ACTR1A: variants seen among roughly 807,000 people sequenced by gnomAD.
ACTR1A encodes actin related protein 1A, also known as alpha-centractin.
A neutral mutation model predicts 50.7 loss-of-function variants in ACTR1A; 10 were observed. The observed-to-expected ratio is 0.20, with a 90% CI of 0.12 to 0.33. The LOEUF (loss-of-function observed/expected upper bound fraction) is 0.33. ACTR1A is among the 10% of genes least tolerant of loss of function. ACTR1A has a pLI of 1.00. For missense variants in ACTR1A, 253 were observed against 491.7 expected (o/e 0.51, Z 4.59); for synonymous variants, 177 against 184.2 (o/e 0.96, Z 0.32).
In ACTR1A at chr10:102,488,112, C is replaced by T. The variant is rs777553141; in HGVS notation, c.315+38G>A. 4 of 1,582,324 alleles carry T rather than the reference C, an allele frequency of 2.5e-6. No homozygotes were observed. The East Asian group carries it at 6.8e-5, about 27-fold the overall frequency. On this transcript the variant is annotated intron_variant, in intron 4 of 10. Coordinates refer to ENST00000369905, the MANE Select transcript of ACTR1A (RefSeq NM_005736.4). The surrounding 1 kb of genome is among the most constrained non-coding windows in gnomAD (Gnocchi z 4.4). ...AGGGTAGGAGTTTGACACAGCTTTG[C>T]ATACCCTACAGGAGTGCCCTACACA...
chr10:102,481,052 G>A, intron 10 of ACTR1A, 80 bp downstream of exon 10: 1 of 1,586,200 alleles, frequency 6.3e-7, no homozygotes, highest in Non-Finnish European at 8.6e-7. Flanking sequence ...AACCAAATCA[G>A]GCTTTTCTTT....
Position 102,480,818 on chromosome 10 carries a change from A to G in ACTR1A, c.*45T>C, listed in dbSNP as rs2062135315. 11 of 1,489,620 alleles carry G rather than the reference A, an allele frequency of 7.4e-6. No individual in the cohort carries two copies. In the East Asian group the frequency reaches 2.5e-4, roughly 34 times the overall value. The allele number at this position is 1,489,620 out of a possible 1,614,324, so 92.3% of individuals were successfully genotyped here. A position where few individuals can be genotyped will look rare whatever the true frequency, so the allele number is the denominator to read the frequency against. ...ACTCCGACTCAAGAAAGCGAGTTTT[A>G]AAGTGGAGTTAACTTCAGAGAGAGG... is the stretch of plus-strand genomic sequence containing the variant. On this transcript the variant is annotated 3_prime_UTR_variant, in exon 11 of 11. Transcript: ENST00000369905.
At chr10:102,494,960 G>A (rs1359636872) in intron 1 of ACTR1A, among the ~76,000 whole-genome samples, 5 of 151,944 alleles carry the variant, frequency 3.3e-5, no homozygotes, top group Non-Finnish European at 5.9e-5. Flanking sequence ...ACAGGTGTGC[G>A]CCACCACGCC....
chr10:102,481,422 T>A (rs1487085973), intron 9 of ACTR1A, among the ~76,000 whole-genome samples: 1 of 152,160 alleles, frequency 6.6e-6, no homozygotes, highest in Admixed American at 6.5e-5. Flanking sequence ...AGAACTGTAC[T>A]CCTTCCTTTA....
intron 1 of ACTR1A, among the ~76,000 whole-genome samples, chr10:102,498,792 G>A (rs1424050473): frequency 6.6e-6 from 1 of 152,104 alleles, no homozygotes; most frequent in East Asian, 1.9e-4. Flanking sequence ...GGAAAAATTT[G>A]AGTTTCAGAA....
At chr10:102,490,232 C>CAA (rs145472595) in intron 2 of ACTR1A, among the ~76,000 whole-genome samples, 595 of 43,344 alleles carry the variant, frequency 0.014, 1 homozygote, top group Non-Finnish European at 0.015. Flanking sequence ...GACTCCGTCT[C>CAA]AAAAAAAAAA....
Position 102,488,228 on chromosome 10 carries a change from G to T in ACTR1A, c.237C>A (p.Ile79=), listed in dbSNP as rs867452227. ...GTTCCATGTCGTTCCAATCCTTGAC[G>T]ATGCCATGCTCCATGGGATAGCGGA... ...LSIRYPMEHG[I]VKDWNDMERI... The change falls in exon 4 of 11, where the codon ATC becomes ATA. Residue 79 remains isoleucine (I), a synonymous_variant. Coordinates refer to ENST00000369905, the MANE Select transcript of ACTR1A (RefSeq NM_005736.4). This position sits in a 1 kb window ranked among gnomAD's most constrained non-coding sequence, Gnocchi z 4.4. The T allele has an allele frequency of 6.2e-7, 1 of 1,614,060 alleles. No homozygotes were observed. Among genetic ancestry groups the T allele is most frequent in the Non-Finnish European group, 8.5e-7 (1 of 1,179,968 alleles).
intron 1 of ACTR1A, among the ~76,000 whole-genome samples, chr10:102,496,798 A>C (rs1169624957): frequency 6.6e-6 from 1 of 152,236 alleles, no homozygotes; most frequent in Non-Finnish European, 1.5e-5. Context: ...AATTAGTGAA[A>C]TCTGAACATT....
At chr10:102,489,021 C>A in intron 3 of ACTR1A, 42 bp downstream of exon 3, 1 of 1,435,268 alleles carries the variant, frequency 7.0e-7, no homozygotes, top group Non-Finnish European at 9.3e-7. Flanking sequence ...TAATGAAGGT[C>A]CTCTGCTGGC....
chr10:102,494,664 C>G (rs1843345531), intron 1 of ACTR1A, among the ~76,000 whole-genome samples: 1 of 152,150 alleles, frequency 6.6e-6, no homozygotes, highest in African/African-American at 2.4e-5. Context: ...ACCAAACAAA[C>G]AAAAAGTATG....
chr10:102,495,168 T>C (rs1564650963), intron 1 of ACTR1A, among the ~76,000 whole-genome samples: 1 of 151,922 alleles, frequency 6.6e-6, no homozygotes, highest in Non-Finnish European at 1.5e-5. Context: ...TCCTTGCTAC[T>C]TGGGAGGCTG....
intron 5 of ACTR1A, 106 bp from the exon 6 acceptor site, chr10:102,484,482 G>C: frequency 6.0e-6 from 6 of 994,244 alleles, no homozygotes; most frequent in South Asian, 4.5e-5. Flanking sequence ...GCTTGGGCCT[G>C]CCTCTCTCCA....
intron 6 of ACTR1A, 53 bp from the exon 7 acceptor site, chr10:102,483,156 G>C: frequency 7.4e-7 from 1 of 1,345,218 alleles, no homozygotes. Flanking sequence ...TGCACATCCA[G>C]TCAAAGGCCC....
chr10:102,485,632 G>A lies in ACTR1A; in HGVS notation c.417C>T (p.Ile139=). The part of the protein sequence containing the change: ...FETFNVPALF[I]SMQAVLSLYA... Reference sequence around the variant, plus strand: ...ACAGGCTGAGTACAGCTTGCATGGAGATGAAAAGAGCGGGCACATTGAAGG... The same window carrying A: ...ACAGGCTGAGTACAGCTTGCATGGAAATGAAAAGAGCGGGCACATTGAAGG... Residue 139 remains isoleucine, a synonymous_variant, in exon 5 of 11, where the codon ATC becomes ATT. Coordinates refer to ENST00000369905, the MANE Select transcript of ACTR1A (RefSeq NM_005736.4). 1 of 1,613,954 alleles carries A rather than the reference G, an allele frequency of 6.2e-7. No individual in the cohort carries two copies. Among genetic ancestry groups the A allele is most frequent in the Non-Finnish European group, 8.5e-7 (1 of 1,179,988 alleles).
At chr10:102,483,269 G>T in intron 6 of ACTR1A, 166 bp from the exon 7 acceptor site, 1 of 627,458 alleles carries the variant, frequency 1.6e-6, no homozygotes. Flanking sequence ...GTCTCTGTTG[G>T]CCTTCACTGG....
intron 10 of ACTR1A, 57 bp downstream of exon 10, chr10:102,481,075 G>A (rs2135578669): frequency 2.5e-6 from 4 of 1,594,644 alleles, no homozygotes; most frequent in Middle Eastern, 1.7e-4. Flanking sequence ...AGGGTGCTGA[G>A]GGGTTATCAG....
chr10:102,493,607 T>A (rs1163810496), intron 1 of ACTR1A, among the ~76,000 whole-genome samples: 4 of 152,252 alleles, frequency 2.6e-5, no homozygotes, highest in Admixed American at 2.6e-4. Context: ...TTGGAATGAA[T>A]GATCATCTTC....
At chr10:102,500,658 C>G (rs947125863) in intron 1 of ACTR1A, among the ~76,000 whole-genome samples, 20 of 152,004 alleles carry the variant, frequency 1.3e-4, no homozygotes, top group Non-Finnish European at 2.5e-4. Context: ...ACTTGGGAGT[C>G]TAGGCTGGAG....
chr10:102,488,928 A>T lies in ACTR1A; in HGVS notation c.189+135T>A. On this transcript the variant is annotated intron_variant, in intron 3 of 10. Transcript: ENST00000369905. The surrounding 1 kb of genome is among the most constrained non-coding windows in gnomAD (Gnocchi z 4.4). The stretch of plus-strand genomic sequence containing the variant: ...AAACCACCTAAGCCTAGGATGAGAG[A>T]ATCAAAAAGGAGATTTTCAGAGAAA... 1 of 609,934 alleles carries T rather than the reference A, an allele frequency of 1.6e-6. No homozygotes were observed. The allele number at this position is 609,934 out of a possible 1,614,324, so 37.8% of individuals were successfully genotyped here. A position where few individuals can be genotyped will look rare whatever the true frequency, so the allele number is the denominator to read the frequency against.
Sources: gnomAD v4.1 joint callset for allele counts (sites outside exome capture counted in the v4.1 genomes callset) on GRCh38, gnomAD v4.1.1 for gene constraint, Gnocchi (gnomAD v3.1) non-coding constraint, MANE v1.5 for transcripts, NCBI Gene and HGNC (gene_info 2026-07-23, HGNC 2026-07-21) for gene names.